HOOK3: variants seen among roughly 807,000 people sequenced by gnomAD.
HOOK3 encodes hook microtubule tethering protein 3, also known as protein Hook homolog 3.
HOOK3 carries 24 observed loss-of-function variants against 116.3 expected under a neutral mutation model. That is an observed-to-expected ratio of 0.21 (90% CI 0.15 to 0.29). The LOEUF (loss-of-function observed/expected upper bound fraction) is 0.29, where lower values mean the gene tolerates loss of function less well. HOOK3 is among the 10% of genes least tolerant of loss of function. The pLI is 1.00. For missense variants in HOOK3, 632 were observed against 830.2 expected, an observed-to-expected ratio of 0.76 and a Z score of 2.93; for synonymous variants, 275 against 283.0, an observed-to-expected ratio of 0.97 and a Z score of 0.28.
At chr8:42,974,288 T>C (rs1808778537) in intron 13 of HOOK3, 94 bp downstream of exon 13, 4 of 893,032 alleles carry the variant, frequency 4.5e-6, no homozygotes, top group African/African-American at 1.7e-5. Flanking sequence ...GCAATGGCAC[T>C]GTCTTGGCTC....
At chr8:42,946,705 A>G (rs1808234561) in intron 5 of HOOK3, among the ~76,000 whole-genome samples, 1 of 151,704 alleles carries the variant, frequency 6.6e-6, no homozygotes, top group Non-Finnish European at 1.5e-5. Flanking sequence ...TTTTTAAAAC[A>G]ATATATTTCT....
intron 19 of HOOK3, among the ~76,000 whole-genome samples, chr8:43,012,609 A>C (rs967252502): frequency 6.6e-6 from 1 of 152,074 alleles, no homozygotes; most frequent in Admixed American, 6.6e-5. Flanking sequence ...ATTTACTTTT[A>C]ATTTTTTTTA....
rs1162660651 is a variant in HOOK3, at chr8:42,956,931, AG to A, written c.469-162del. On this transcript the variant is annotated intron_variant, in intron 6 of 21. Coordinates refer to ENST00000307602, the MANE Select transcript of HOOK3 (RefSeq NM_032410.4). ...ATTATTCTGGAGTGGGGACAAAAAA[AG>A]TTCCGGACTCAGAAGCTTTAATGCA... 5.3e-5 allele frequency among the ~76,000 whole-genome samples: 8 copies of A among 152,236 alleles called. No individual in the cohort carries two copies. The South Asian group carries it at 8.3e-4, about 16-fold the overall frequency.
chr8:43,010,505 GAA>G (rs2130486788), intron 19 of HOOK3, 100 bp downstream of exon 19: 1 of 321,604 alleles, frequency 3.1e-6, no homozygotes, highest in African/African-American at 2.2e-5. Context: ...TCTTAATGCA[GAA>G]AACTCTCAGG....
At chr8:42,997,769 C>T (rs1404535013) in intron 16 of HOOK3, 132 bp downstream of exon 16, 1 of 662,226 alleles carries the variant, frequency 1.5e-6, no homozygotes, top group East Asian at 2.9e-5. Flanking sequence ...ATAGTGTTTT[C>T]CTTTTTACTA....
At chr8:43,008,023 TA>T in intron 18 of HOOK3, 94 bp downstream of exon 18, 1 of 528,560 alleles carries the variant, frequency 1.9e-6, no homozygotes. Context: ...ATTTATTTTT[TA>T]TTTTTATTTT....
rs1239463939 is a variant in HOOK3 at position 43,027,926 on chromosome 8, T to C, written c.*9428T>C. On this transcript the variant is annotated 3_prime_UTR_variant, in exon 22 of 22. Transcript: ENST00000307602. Reference sequence around the variant, plus strand: ...GCACTTTTATTGCCCAGAGAGAAAATAAGGACAAAATAAAGGCAGTGAAGT... The same window carrying C: ...GCACTTTTATTGCCCAGAGAGAAAACAAGGACAAAATAAAGGCAGTGAAGT... 5.1e-6 allele frequency: 1 copy of C among 196,574 alleles called. No individual in the cohort carries two copies. Among genetic ancestry groups the C allele is most frequent in the African/African-American group, 2.3e-5 (1 of 43,270 alleles). 12.2% of individuals were successfully genotyped at this position (196,574 alleles called of 1,614,324 possible). A position where few individuals can be genotyped will look rare whatever the true frequency, so the allele number is the denominator to read the frequency against.
chr8:42,923,809 G>GT (rs1488097971), intron 2 of HOOK3, among the ~76,000 whole-genome samples: 1 of 152,154 alleles, frequency 6.6e-6, no homozygotes, highest in African/African-American at 2.4e-5. Context: ...TGTGTCGTGA[G>GT]TTATTTCTCA....
At chr8:42,955,500 T>C (rs1227707741) in intron 6 of HOOK3, among the ~76,000 whole-genome samples, 1 of 152,106 alleles carries the variant, frequency 6.6e-6, no homozygotes, top group African/African-American at 2.4e-5. Context: ...ACAAAAGTCA[T>C]AGAAAGACAT....
At chr8:42,992,254 G>T (rs1287643599) in intron 15 of HOOK3, among the ~76,000 whole-genome samples, 1 of 147,840 alleles carries the variant, frequency 6.8e-6, no homozygotes, top group Non-Finnish European at 1.5e-5. Context: ...CAAAAAATTA[G>T]CTAGGCGTGG....
intron 2 of HOOK3, among the ~76,000 whole-genome samples, chr8:42,920,703 A>T (rs991624326): frequency 3.3e-5 from 5 of 152,156 alleles, no homozygotes; most frequent in African/African-American, 4.8e-5. Context: ...AACTCTCCTG[A>T]TCTGTTTTAA....
In HOOK3 at chr8:42,946,813, G is replaced by A. The variant is rs187859283; in HGVS notation, c.400+3368G>A. Among the ~76,000 whole-genome samples the A allele has an allele frequency of 3.2e-3, 460 of 146,030 alleles. 1 individual carries two copies. The highest frequency in any genetic ancestry group is 4.7e-3 in the Non-Finnish European group (318 of 67,078). On this transcript the variant is annotated intron_variant, in intron 5 of 21. Transcript: ENST00000307602. ...GGACAGATTCTCACTCTGTCACCCA[G>A]GCTGGAGTCCAGTGGTGTGATCTCG...
intron 5 of HOOK3, among the ~76,000 whole-genome samples, chr8:42,946,511 A>T (rs148733491): frequency 6.6e-6 from 1 of 151,750 alleles, no homozygotes; most frequent in Admixed American, 6.5e-5. Context: ...TATGTTGAAG[A>T]CGATGAATTT....
chr8:42,985,495 G>T (rs1020278306), intron 14 of HOOK3, among the ~76,000 whole-genome samples: 1 of 152,134 alleles, frequency 6.6e-6, no homozygotes, highest in East Asian at 1.9e-4. Flanking sequence ...GTGAGTATAC[G>T]TGCATAGAAT....
At chr8:42,915,436 A>G (rs1467899518) in intron 2 of HOOK3, among the ~76,000 whole-genome samples, 1 of 151,952 alleles carries the variant, frequency 6.6e-6, no homozygotes, top group Non-Finnish European at 1.5e-5. Context: ...TGTTATTATT[A>G]TTATTATTTT....
chr8:42,925,676 A>G, intron 3 of HOOK3, 47 bp downstream of exon 3: 1 of 1,272,434 alleles, frequency 7.9e-7, no homozygotes, highest in Non-Finnish European at 1.1e-6. Context: ...TTGTATGTGT[A>G]TAATATCTGT....
intron 13 of HOOK3, among the ~76,000 whole-genome samples, chr8:42,979,035 A>AT (rs1340766413): frequency 6.6e-6 from 1 of 152,150 alleles, no homozygotes; most frequent in African/African-American, 2.4e-5. Context: ...AGGAAGGAAG[A>AT]TTTCTTGAGT....
intron 4 of HOOK3, among the ~76,000 whole-genome samples, chr8:42,941,617 AAATTT>A (rs921800208): frequency 2.0e-5 from 3 of 152,094 alleles, no homozygotes; most frequent in Non-Finnish European, 4.4e-5. Context: ...TCAAGGAGAA[AAATTT>A]AATTTAATCT....
intron 13 of HOOK3, among the ~76,000 whole-genome samples, chr8:42,982,323 G>A (rs1456949399): frequency 6.6e-6 from 1 of 151,650 alleles, no homozygotes; most frequent in South Asian, 2.1e-4. Flanking sequence ...AGGGGATAGG[G>A]GAGGGAGGCA....
Sources: allele counts gnomAD v4.1 joint callset (sites outside exome capture counted in the v4.1 genomes callset), GRCh38; gene constraint gnomAD v4.1.1; transcripts MANE v1.5; gene names NCBI Gene and HGNC (gene_info 2026-07-23, HGNC 2026-07-21).